The following NFATC3 variants were observed in gnomAD, a reference collection of about 807,000 sequenced individuals.
The protein encoded by NFATC3 is nuclear factor of activated T-cells, cytoplasmic 3.
A neutral mutation model predicts 98.6 loss-of-function variants in NFATC3; 46 were observed. That is an observed-to-expected ratio of 0.47 (90% CI 0.37 to 0.60). NFATC3 has a LOEUF of 0.60. Among genes scored for constraint, NFATC3 ranks in the 20% least tolerant of loss-of-function variants. The pLI is 0.00. For synonymous variants in NFATC3, 512 were observed against 472.2 expected (o/e 1.08, Z -1.09); for missense variants, 1,256 against 1,295.5 (o/e 0.97, Z 0.47).
intron 9 of NFATC3, chr16:68,199,743 T>G: frequency 6.6e-6 from 1 of 150,592 alleles, no homozygotes; most frequent in Non-Finnish European, 1.5e-5. Context: ...CCCGCCACCA[T>G]GCCCGGCTAA....
At chr16:68,213,151 C>T (rs1598612885) in intron 9 of NFATC3, among the ~76,000 whole-genome samples, 1 of 151,036 alleles carries the variant, frequency 6.6e-6, no homozygotes, top group African/African-American at 2.4e-5. Context: ...TGCAGTGGCT[C>T]ACGCCTATAA....
chr16:68,136,333 T>C (rs1357413438), intron 3 of NFATC3, among the ~76,000 whole-genome samples: 1 of 152,128 alleles, frequency 6.6e-6, no homozygotes, highest in African/African-American at 2.4e-5. Flanking sequence ...AGTAGTGCAA[T>C]GTCAGCTCGC....
At chr16:68,208,974 G>T (rs986982594) in intron 9 of NFATC3, among the ~76,000 whole-genome samples, 2 of 152,126 alleles carry the variant, frequency 1.3e-5, no homozygotes, top group Admixed American at 6.6e-5. Context: ...TGGGCTTTAT[G>T]TATTTATTTA....
chr16:68,087,046 A>G (rs2034419089), intron 1 of NFATC3, among the ~76,000 whole-genome samples: 1 of 152,240 alleles, frequency 6.6e-6, no homozygotes, highest in African/African-American at 2.4e-5. Context: ...CTGTACTACT[A>G]GGAAGTCTGT....
intron 9 of NFATC3, chr16:68,214,493 G>A (rs2041553084): frequency 7.0e-7 from 1 of 1,427,550 alleles, no homozygotes; most frequent in Non-Finnish European, 9.9e-7. Context: ...TGCATGCAGT[G>A]GCTGGATTTG....
At chr16:68,086,963 G>T (rs184792711) in intron 1 of NFATC3, among the ~76,000 whole-genome samples, 3 of 152,328 alleles carry the variant, frequency 2.0e-5, no homozygotes, top group African/African-American at 7.2e-5. Context: ...GTAGTGTTAT[G>T]ATGAGGCAGA....
At chr16:68,125,876 AATTTT>A (rs1260967714) in intron 2 of NFATC3, among the ~76,000 whole-genome samples, 1 of 151,918 alleles carries the variant, frequency 6.6e-6, no homozygotes, top group Non-Finnish European at 1.5e-5. Context: ...TAGATTTTTA[AATTTT>A]ATTTTATTTT....
chr16:68,137,928 C>T (rs911708240), intron 3 of NFATC3, among the ~76,000 whole-genome samples: 3 of 150,310 alleles, frequency 2.0e-5, no homozygotes, highest in Non-Finnish European at 4.5e-5. Flanking sequence ...CCGTATGTTT[C>T]ATTTTCTAAA....
intron 5 of NFATC3, among the ~76,000 whole-genome samples, chr16:68,168,678 G>A (rs946131131): frequency 2.6e-5 from 4 of 150,958 alleles, no homozygotes; most frequent in Non-Finnish European, 4.4e-5. Flanking sequence ...TAGAGACGGG[G>A]TTTCACCATA....
intron 3 of NFATC3, among the ~76,000 whole-genome samples, chr16:68,151,596 A>C (rs568875099): frequency 1.6e-3 from 241 of 152,286 alleles, no homozygotes; most frequent in African/African-American, 5.6e-3. Flanking sequence ...TTCACTTTGA[A>C]GAACTATAGT....
At chr16:68,085,969 G>T in intron 1 of NFATC3, 185 bp downstream of exon 1, 1 of 460,154 alleles carries the variant, frequency 2.2e-6, no homozygotes, top group Non-Finnish European at 3.8e-6. Flanking sequence ...TCGCTGCGAC[G>T]TGGAAGTGGT....
intron 9 of NFATC3, chr16:68,199,991 G>T (rs2151132617): frequency 6.6e-6 from 1 of 152,192 alleles, no homozygotes. Flanking sequence ...AGCTTCTTTG[G>T]AACATCTCAG....
chr16:68,086,842 C>T (rs886606334), intron 1 of NFATC3: 3 of 910,048 alleles, frequency 3.3e-6, no homozygotes, highest in Non-Finnish European at 3.9e-6. Flanking sequence ...TGCTAGATGT[C>T]TTTTTCACTG....
rs149643182 is a variant in NFATC3, at chr16:68,099,206, G to A, written c.103+13422G>A. 7.2e-4 allele frequency among the ~76,000 whole-genome samples: 109 copies of A among 152,292 alleles called. No individual in the cohort carries two copies. In the East Asian group the frequency reaches 0.012, roughly 17 times the overall value. ...CCCAGCACTTTGGGAGGCTGAGGCC[G>A]GTGGATCACCTGAGGTCAGGAGTTT... On this transcript the variant is annotated intron_variant, in intron 1 of 9. Transcript: ENST00000346183.
chr16:68,181,010 G>A (rs908784001), intron 6 of NFATC3, among the ~76,000 whole-genome samples: 4 of 152,298 alleles, frequency 2.6e-5, no homozygotes, highest in Non-Finnish European at 1.5e-5. Flanking sequence ...AATCCTTTGG[G>A]TATATACCCA....
chr16:68,212,660 T>A (rs2041456397), intron 9 of NFATC3: 1 of 152,170 alleles, frequency 6.6e-6, no homozygotes, highest in Non-Finnish European at 1.5e-5. Context: ...ACAAGGATTA[T>A]GTTGTGACCC....
At chr16:68,124,883 C>G (rs549112165) in intron 2 of NFATC3, among the ~76,000 whole-genome samples, 1 of 152,072 alleles carries the variant, frequency 6.6e-6, no homozygotes, top group Non-Finnish European at 1.5e-5. Flanking sequence ...CACCTGCCAC[C>G]ACGCCTGGCT....
At chr16:68,163,057 G>A (rs564200618) in intron 4 of NFATC3, among the ~76,000 whole-genome samples, 30 of 152,214 alleles carry the variant, frequency 2.0e-4, no homozygotes, top group African/African-American at 6.7e-4. Flanking sequence ...AGAGCACAGG[G>A]TTGGGGGTAA....
rs1326968858 is a variant in NFATC3, at chr16:68,218,514, C to CAAAAAAAAAAAAA, written c.3107-7829_3107-7817dup. 4.9e-4 allele frequency among the ~76,000 whole-genome samples: 29 copies of CAAAAAAAAAAAAA among 59,418 alleles called. 1 individual carries two copies. Among genetic ancestry groups the CAAAAAAAAAAAAA allele is most frequent in the African/African-American group, 1.7e-3 (28 of 16,020 alleles). 39.0% of individuals were successfully genotyped at this position (59,418 alleles called of 152,430 possible). On this transcript the variant is annotated intron_variant, in intron 9 of 9. Transcript: ENST00000346183. ...CCTGGGCGACAGAATGAGAGCCTCT[C>CAAAAAAAAAAAAA]AAAAAAAAAAAAAAAAAAAGGTGAA...
Sources: allele counts gnomAD v4.1 joint callset (sites outside exome capture counted in the v4.1 genomes callset), GRCh38; gene constraint gnomAD v4.1.1; transcripts MANE v1.5; gene names NCBI Gene and HGNC (gene_info 2026-07-23, HGNC 2026-07-21).